The following SACS variants were observed in gnomAD, a reference collection of about 807,000 sequenced individuals.
SACS encodes the protein sacsin.
A neutral mutation model predicts 348.0 loss-of-function variants in SACS; 197 were observed. The ratio of observed to expected loss-of-function variants is 0.57; its 90% confidence interval spans 0.50 to 0.64. The LOEUF (loss-of-function observed/expected upper bound fraction) is 0.64, where lower values mean the gene tolerates loss of function less well. Among genes scored for constraint, SACS ranks in the 30% least tolerant of loss-of-function variants. SACS has a pLI of 0.00. For synonymous variants in SACS, 1,985 were observed against 1,910.6 expected (o/e 1.04, Z -1.02); for missense variants, 4,999 against 5,360.8 (o/e 0.93, Z 2.11).
chr13:23,339,310 C>T lies in SACS; in HGVS notation c.4566G>A (p.Leu1522=). ...PGMAACHGPA[L]WSFNNSQFSD... Reference sequence around the variant, plus strand: ...AGAATTGAGAATTGTTGAATGACCACAAAGCAGGTCCATGACAAGCTGCCA... The same window carrying T: ...AGAATTGAGAATTGTTGAATGACCATAAAGCAGGTCCATGACAAGCTGCCA... The change falls in exon 10 of 10, where the codon TTG becomes TTA. Residue 1522 remains leucine (L), a synonymous_variant. Coordinates refer to ENST00000382292, the MANE Select transcript of SACS (RefSeq NM_014363.6). The T allele has an allele frequency of 1.9e-6, 3 of 1,611,354 alleles. No individual in the cohort carries two copies. Among genetic ancestry groups the T allele is most frequent in the Middle Eastern group, 1.7e-4 (1 of 6,044 alleles).
rs541625382 is a variant in SACS, at chr13:23,378,025, G to A, written c.21-2756C>T. Among the ~76,000 whole-genome samples the A allele has an allele frequency of 4.6e-4, 70 of 152,260 alleles. 1 individual carries two copies. Among genetic ancestry groups the A allele is most frequent in the Non-Finnish European group, 1.9e-4 (13 of 68,026 alleles). ...CAATTGCTTCGCTTTTATTTTTAGC[G>A]ACATTAAACATGCTTTGGGAAATGA... On this transcript the variant is annotated intron_variant, in intron 2 of 9. Coordinates refer to ENST00000382292, the MANE Select transcript of SACS (RefSeq NM_014363.6).
At chr13:23,382,236 C>T (rs550354346) in intron 2 of SACS, among the ~76,000 whole-genome samples, 1 of 151,834 alleles carries the variant, frequency 6.6e-6, no homozygotes, top group Admixed American at 6.6e-5. Flanking sequence ...TCACTGCAAC[C>T]TCTGCCTCCC....
At chr13:23,351,534 C>A (rs1403095940) in intron 9 of SACS, among the ~76,000 whole-genome samples, 2 of 152,152 alleles carry the variant, frequency 1.3e-5, no homozygotes, top group Non-Finnish European at 2.9e-5. Context: ...TTTTTGCCTG[C>A]CGCCAAGTAA....
intron 2 of SACS, among the ~76,000 whole-genome samples, chr13:23,392,394 T>C (rs895245008): frequency 1.3e-5 from 2 of 152,194 alleles, no homozygotes; most frequent in Admixed American, 1.3e-4. Context: ...GAGACAGTGG[T>C]GGACAGCACC....
Position 23,329,507 on chromosome 13 carries a change from A to G in SACS, c.*629T>C, listed in dbSNP as rs1883333242. 1 of 732,236 alleles carries G rather than the reference A, an allele frequency of 1.4e-6. No homozygotes were observed. The highest frequency in any genetic ancestry group is 2.5e-6 in the Non-Finnish European group (1 of 400,268). 45.4% of individuals were successfully genotyped at this position (732,236 alleles called of 1,614,324 possible). ...AGCCTGTAAACATAAGATGTTAAAA[A>G]AAAATTTAAATAAAGATGTAAAGTG... is the stretch of plus-strand genomic sequence containing the variant. On this transcript the variant is annotated 3_prime_UTR_variant, in exon 10 of 10. Transcript: ENST00000382292.
At chr13:23,359,977 A>C (rs1248543691) in intron 6 of SACS, among the ~76,000 whole-genome samples, 2 of 152,212 alleles carry the variant, frequency 1.3e-5, no homozygotes, top group Non-Finnish European at 2.9e-5. Context: ...AAGGCTGCAA[A>C]GGCCTTCTGT....
Position 23,329,284 on chromosome 13 carries a change from A to G in SACS, c.*852T>C, listed in dbSNP as rs1883319517. On this transcript the variant is annotated 3_prime_UTR_variant, in exon 10 of 10. Transcript: ENST00000382292. ...TTTTTAACTGCAGCACCTTTAGACA[A>G]CAAAAGATTGCATCCTGTTCAACCA... 1.7e-6 allele frequency: 1 copy of G among 581,316 alleles called. No individual in the cohort carries two copies. The allele number at this position is 581,316 out of a possible 1,614,324, so 36.0% of individuals were successfully genotyped here.
intron 2 of SACS, among the ~76,000 whole-genome samples, chr13:23,382,789 G>T (rs2478343): frequency 0.82 from 118,100 of 143,776 alleles, 48,550 homozygotes; most frequent in East Asian, 0.98. Flanking sequence ...TGTGGTTTTT[G>T]TTTTTTTTTT....
intron 2 of SACS, among the ~76,000 whole-genome samples, chr13:23,404,081 C>G (rs1365742711): frequency 6.6e-6 from 1 of 152,166 alleles, no homozygotes; most frequent in Admixed American, 6.5e-5. Flanking sequence ...ATCCTAAATT[C>G]TAATTTGATT....
chr13:23,430,821 T>G (rs1489414506), intron 1 of SACS, among the ~76,000 whole-genome samples: 1 of 152,320 alleles, frequency 6.6e-6, no homozygotes, highest in Non-Finnish European at 1.5e-5. Context: ...CAAATGTTTG[T>G]CTGGATGTAA....
intron 5 of SACS, 120 bp from the exon 6 acceptor site, chr13:23,365,397 G>C: frequency 4.7e-6 from 3 of 637,954 alleles, no homozygotes. Context: ...CCCACTATTT[G>C]CAACATTACC....
At chr13:23,422,015 G>C (rs1029980061) in intron 1 of SACS, among the ~76,000 whole-genome samples, 1 of 151,944 alleles carries the variant, frequency 6.6e-6, no homozygotes, top group Non-Finnish European at 1.5e-5. Flanking sequence ...ATTTACCTAC[G>C]GCCTGGGCGT....
chr13:23,365,182 A>G lies in SACS; in HGVS notation c.441T>C (p.Asp147=). ...GATTCTTACCCTGATATGGCGCCAT[A>G]TCTTTTGACCAAAGAGTCTCTGTTC... The part of the protein sequence containing the change: ...QYGTETLWSK[D]MAPYQGPALY... Residue 147 remains aspartate (D), a synonymous_variant, in exon 6 of 10, where the codon GAT becomes GAC. Coordinates refer to ENST00000382292, the MANE Select transcript of SACS (RefSeq NM_014363.6). 1 of 1,611,038 alleles carries G rather than the reference A, an allele frequency of 6.2e-7. No individual in the cohort carries two copies. Among genetic ancestry groups the G allele is most frequent in the Non-Finnish European group, 8.5e-7 (1 of 1,178,150 alleles).
rs137893590 is a variant in SACS at position 23,369,528 on chromosome 13, A to G, written c.260-1041T>C. Among the ~76,000 whole-genome samples, 638 of 151,994 alleles carry G rather than the reference A, an allele frequency of 4.2e-3. 4 individuals carry two copies. The highest frequency in any genetic ancestry group is 0.041 in the Middle Eastern group (12 of 294). On this transcript the variant is annotated intron_variant, in intron 4 of 9. Transcript: ENST00000382292. ...AGCTCAAACAAGACTCTGTTTCCAC[A>G]GACTTCTATCCCACCCATTCTTTTT...
chr13:23,397,351 C>T (rs931534019), intron 2 of SACS, among the ~76,000 whole-genome samples: 1 of 152,102 alleles, frequency 6.6e-6, no homozygotes. Context: ...ACTTGAATAA[C>T]TATAAAAAGT....
At position 23,329,639 on chromosome 13, in the gene SACS, C is replaced by G; in HGVS notation, c.*497G>C. 1.9e-6 allele frequency: 1 copy of G among 535,184 alleles called. No individual in the cohort carries two copies. Among genetic ancestry groups the G allele is most frequent in the Non-Finnish European group, 3.2e-6 (1 of 307,804 alleles). The allele number at this position is 535,184 out of a possible 1,614,324, so 33.2% of individuals were successfully genotyped here. On this transcript the variant is annotated 3_prime_UTR_variant, in exon 10 of 10. Coordinates refer to ENST00000382292, the MANE Select transcript of SACS (RefSeq NM_014363.6). Reference sequence around the variant, plus strand: ...CACTGAGTACAACATAAAATTACAACAAATTCATGATCAGAGCCAGCTGAT... The same window carrying G: ...CACTGAGTACAACATAAAATTACAAGAAATTCATGATCAGAGCCAGCTGAT...
chr13:23,359,194 A>G (rs1018989490), intron 6 of SACS, among the ~76,000 whole-genome samples: 44 of 152,352 alleles, frequency 2.9e-4, no homozygotes, highest in African/African-American at 9.9e-4. Context: ...AAAAAAAGAA[A>G]AAAGAAAAAG....
Position 23,335,008 on chromosome 13 carries a change from T to C in SACS, c.8868A>G (p.Leu2956=). ...NTPIHVVKDT[L]KKFLSFFPVN... is the part of the protein sequence containing the mutation. ...CTGGGAAAAACGATAAAAACTTCTTTAAAGTGTCCTTTACAACATGAATAG... is the reference window on the plus strand; with the variant it reads ...CTGGGAAAAACGATAAAAACTTCTTCAAAGTGTCCTTTACAACATGAATAG... The change falls in exon 10 of 10, where the codon TTA becomes TTG. Residue 2956 remains leucine (L), a synonymous_variant. Transcript: ENST00000382292. This position sits in a 1 kb window ranked among gnomAD's most constrained non-coding sequence, Gnocchi z 4.7. 1.2e-6 allele frequency: 2 copies of C among 1,613,828 alleles called. No individual in the cohort carries two copies. Among genetic ancestry groups the C allele is most frequent in the Non-Finnish European group, 1.7e-6 (2 of 1,179,800 alleles).
At chr13:23,349,151 T>G (rs528172831) in intron 9 of SACS, among the ~76,000 whole-genome samples, 2 of 152,178 alleles carry the variant, frequency 1.3e-5, no homozygotes, top group South Asian at 4.1e-4. Flanking sequence ...GCCCAAGCGC[T>G]GTAGACAGGG....
Sources: gnomAD v4.1 joint callset for allele counts (sites outside exome capture counted in the v4.1 genomes callset) on GRCh38, gnomAD v4.1.1 for gene constraint, Gnocchi (gnomAD v3.1) non-coding constraint, MANE v1.5 for transcripts, NCBI Gene and HGNC (gene_info 2026-07-23, HGNC 2026-07-21) for gene names.